OPA3: variants seen among roughly 807,000 people sequenced by gnomAD.
OPA3 encodes optic atrophy 3 protein.
A neutral mutation model predicts 4.0 loss-of-function variants in OPA3; 6 were observed. That is an observed-to-expected ratio of 1.51 (90% CI 0.83 to 2.99). The LOEUF (loss-of-function observed/expected upper bound fraction) is 2.99. OPA3 is among the 30% of genes most tolerant of loss of function. OPA3 has a pLI of 0.00. For missense variants in OPA3, 235 were observed against 256.2 expected (o/e 0.92, Z 0.56); for synonymous variants, 105 against 117.1 (o/e 0.90, Z 0.67).
chr19:45,550,546 T>C lies in OPA3; in HGVS notation c.*2968A>G. 1.0e-6 allele frequency: 1 copy of C among 986,824 alleles called. No individual in the cohort carries two copies. Among genetic ancestry groups the C allele is most frequent in the African/African-American group, 1.7e-5 (1 of 57,376 alleles). 61.1% of individuals were successfully genotyped at this position (986,824 alleles called of 1,614,324 possible). On this transcript the variant is annotated 3_prime_UTR_variant, in exon 2 of 2. Transcript: ENST00000263275. ...CTCTGCAGCTGGGGTAATCCAAGCC[T>C]CTCACTCTGCCCCTACTACTTCACC... is the stretch of plus-strand genomic sequence containing the variant.
chr19:45,570,978 TGG>T lies in OPA3; in HGVS notation c.142+13643_142+13644del, dbSNP rs66483717. Reference sequence around the variant, plus strand: ...TGTTTTCGGTGACAGCAAAACTATTTGGGGGGGGGGGGCATGAATAAATAAGT... The same window carrying T: ...TGTTTTCGGTGACAGCAAAACTATTTGGGGGGGGGGCATGAATAAATAAGT... On this transcript the variant is annotated intron_variant, in intron 1 of 1. Transcript: ENST00000263275. 1.5e-3 allele frequency among the ~76,000 whole-genome samples: 100 copies of T among 66,202 alleles called. 5 individuals are homozygous for T. Among genetic ancestry groups the T allele is most frequent in the South Asian group, 0.011 (21 of 1,902 alleles). 43.4% of individuals were successfully genotyped at this position (66,202 alleles called of 152,430 possible). A position where few individuals can be genotyped will look rare whatever the true frequency, so the allele number is the denominator to read the frequency against.
Position 45,551,647 on chromosome 19 carries a change from G to A in OPA3, c.*1867C>T, listed in dbSNP as rs1599960992. 2.2e-6 allele frequency: 2 copies of A among 924,440 alleles called. No homozygotes were observed. Among genetic ancestry groups the A allele is most frequent in the East Asian group, 1.2e-4 (1 of 8,552 alleles). 57.3% of individuals were successfully genotyped at this position (924,440 alleles called of 1,614,324 possible). A position where few individuals can be genotyped will look rare whatever the true frequency, so the allele number is the denominator to read the frequency against. On this transcript the variant is annotated 3_prime_UTR_variant, in exon 2 of 2. Coordinates refer to ENST00000263275, the MANE Select transcript of OPA3 (RefSeq NM_025136.4). ...ATTCCTGTTGGACTTAAGCCATCAA[G>A]TTCACCACCCAATGGTGATCTGTTA...
At position 45,550,355 on chromosome 19, in the gene OPA3, T is replaced by TC; in HGVS notation, c.*3158dup. ...CCAAAAGCGGGCCCAGGTGGAATGG[T>TC]CACCCAGTTTACACAATGCTATGAT... On this transcript the variant is annotated 3_prime_UTR_variant, in exon 2 of 2. Coordinates refer to ENST00000263275, the MANE Select transcript of OPA3 (RefSeq NM_025136.4). The TC allele has an allele frequency of 1.0e-6, 1 of 984,582 alleles. No individual in the cohort carries two copies. Among genetic ancestry groups the TC allele is most frequent in the Non-Finnish European group, 1.2e-6 (1 of 829,888 alleles). 61.0% of individuals were successfully genotyped at this position (984,582 alleles called of 1,614,324 possible). A position where few individuals can be genotyped will look rare whatever the true frequency, so the allele number is the denominator to read the frequency against.
chr19:45,580,545 G>A (rs1016949462), intron 1 of OPA3, among the ~76,000 whole-genome samples: 6 of 151,730 alleles, frequency 4.0e-5, no homozygotes, highest in African/African-American at 1.5e-4. Context: ...TGCCTGCCTC[G>A]GCCTCCCAAA....
chr19:45,575,217 C>T (rs184989593), intron 1 of OPA3, among the ~76,000 whole-genome samples: 1 of 152,150 alleles, frequency 6.6e-6, no homozygotes, highest in Admixed American at 6.5e-5. Context: ...ATTCTCCTGC[C>T]TCAGCCTCCT....
intron 1 of OPA3, among the ~76,000 whole-genome samples, chr19:45,573,933 C>T (rs1167733706): frequency 5.9e-5 from 9 of 152,222 alleles, no homozygotes; most frequent in Non-Finnish European, 1.2e-4. Context: ...GAGGCCACAG[C>T]GGGCGGATCA....
At chr19:45,572,994 T>C (rs1311283775) in intron 1 of OPA3, among the ~76,000 whole-genome samples, 1 of 151,704 alleles carries the variant, frequency 6.6e-6, no homozygotes, top group Non-Finnish European at 1.5e-5. Flanking sequence ...TAGGGGTTCA[T>C]TCTCAGCCTG....
At chr19:45,529,264 T>A (rs1279668971) in exon 2 of OPA3, 1 of 1,613,800 alleles carries the variant, frequency 6.2e-7, no homozygotes, top group African/African-American at 1.3e-5. Context: ...TCGCTCCTTT[T>A]CCTTGCGGCG....
At chr19:45,562,209 T>G (rs1599976220) in intron 1 of OPA3, among the ~76,000 whole-genome samples, 1 of 148,280 alleles carries the variant, frequency 6.7e-6, no homozygotes, top group East Asian at 2.0e-4. Context: ...TAGCCGGGAG[T>G]GGTGATGCAC....
At position 45,550,618 on chromosome 19, in the gene OPA3, C is replaced by A. The variant is rs190488484; in HGVS notation, c.*2896G>T. On this transcript the variant is annotated 3_prime_UTR_variant, in exon 2 of 2. Coordinates refer to ENST00000263275, the MANE Select transcript of OPA3 (RefSeq NM_025136.4). Reference sequence around the variant, plus strand: ...ACTGGCTGTGGCATCTCTGGCAAGTCCCTTTGCTTACCCCTGGCCTTAGTT... The same window carrying A: ...ACTGGCTGTGGCATCTCTGGCAAGTACCTTTGCTTACCCCTGGCCTTAGTT... 1.7e-5 allele frequency: 17 copies of A among 985,960 alleles called. No individual in the cohort carries two copies. Among genetic ancestry groups the A allele is most frequent in the Non-Finnish European group, 1.8e-5 (15 of 830,330 alleles). The allele number at this position is 985,960 out of a possible 1,614,324, so 61.1% of individuals were successfully genotyped here.
At chr19:45,531,966 T>C (rs1222443074) in intron 1 of OPA3, among the ~76,000 whole-genome samples, 1 of 152,220 alleles carries the variant, frequency 6.6e-6, no homozygotes, top group African/African-American at 2.4e-5. Context: ...GGGAGGTAAT[T>C]TTTTAGTTCT....
chr19:45,553,917 G>A lies in OPA3; in HGVS notation c.143-6C>T, dbSNP rs760030315. The A allele has an allele frequency of 1.9e-6, 3 of 1,599,278 alleles. No homozygotes were observed. Among genetic ancestry groups the A allele is most frequent in the African/African-American group, 1.3e-5 (1 of 74,650 alleles). ...CATCTCCACCCAGTGATACACTGCG[G>A]GGGAAGAGAGGGGTCAGGCTGCGCT... is the stretch of plus-strand genomic sequence containing the variant. On this transcript the variant is annotated splice_polypyrimidine_tract_variant and splice_region_variant and intron_variant, in intron 1 of 1. Coordinates refer to ENST00000263275, the MANE Select transcript of OPA3 (RefSeq NM_025136.4).
rs552705902 is a variant in OPA3 at position 45,540,475 on chromosome 19, C to T, written c.143-11019G>A. Among the ~76,000 whole-genome samples, 5 of 150,846 alleles carry T rather than the reference C, an allele frequency of 3.3e-5. No homozygotes were observed. The South Asian group carries it at 8.4e-4, about 25-fold the overall frequency. On this transcript the variant is annotated intron_variant, in intron 1 of 1. Transcript: ENST00000323060. ...ACTTGGGGGGTTGAAGTGGGAAGATCGCTTGAGCCTGGGAGGTTGAGGCTG... is the reference window on the plus strand; with the variant it reads ...ACTTGGGGGGTTGAAGTGGGAAGATTGCTTGAGCCTGGGAGGTTGAGGCTG...
exon 2 of OPA3, chr19:45,529,452 G>A (rs1969034831): frequency 2.5e-6 from 4 of 1,613,884 alleles, no homozygotes; most frequent in Non-Finnish European, 2.5e-6. Context: ...CCAGCCAGTG[G>A]TACACTGCAG....
chr19:45,584,619 T>G lies in OPA3; in HGVS notation c.142+4A>C. ...AGGTTGGAGGGAATTCGGGTCAGAC[T>G]CACGTTGAGCCGGCGGGAGGCAGAT... On this transcript the variant is annotated splice_donor_region_variant and intron_variant, in intron 1 of 1. Transcript: ENST00000263275. The G allele has an allele frequency of 1.2e-6, 2 of 1,614,192 alleles. No individual in the cohort carries two copies. The highest frequency in any genetic ancestry group is 1.7e-6 in the Non-Finnish European group (2 of 1,180,024).
chr19:45,560,170 C>T (rs1208227919), intron 1 of OPA3, among the ~76,000 whole-genome samples: 3 of 152,088 alleles, frequency 2.0e-5, no homozygotes, highest in African/African-American at 7.2e-5. Context: ...GAACTCTCTC[C>T]CTCCAGACTC....
At chr19:45,576,547 CA>C (rs72431387) in intron 1 of OPA3, among the ~76,000 whole-genome samples, 17 of 113,330 alleles carry the variant, frequency 1.5e-4, no homozygotes, top group African/African-American at 1.8e-4. Flanking sequence ...CCCCCCCCCC[CA>C]AAAAAAAAAG....
chr19:45,572,777 CATACTATATATAGA>C (rs1969704239), intron 1 of OPA3, among the ~76,000 whole-genome samples: 2 of 51,034 alleles, frequency 3.9e-5, no homozygotes, highest in African/African-American at 8.4e-5. Context: ...CTATATATAT[CATACTATATATAGA>C]TATATATATC....
chr19:45,583,207 G>T (rs1969881966), intron 1 of OPA3, among the ~76,000 whole-genome samples: 1 of 151,710 alleles, frequency 6.6e-6, no homozygotes, highest in African/African-American at 2.4e-5. Flanking sequence ...CTGGAGTACA[G>T]TGTTACGATC....
Sources: gnomAD v4.1 joint callset for allele counts (sites outside exome capture counted in the v4.1 genomes callset) on GRCh38, gnomAD v4.1.1 for gene constraint, MANE v1.5 for transcripts, NCBI Gene and HGNC (gene_info 2026-07-23, HGNC 2026-07-21) for gene names.